Variants in UBA2 observed in about 807,000 individuals in gnomAD.
UBA2 encodes the protein ubiquitin like modifier activating enzyme 2.
UBA2 carries 11 observed loss-of-function variants against 77.2 expected under a neutral mutation model. The ratio of observed to expected loss-of-function variants is 0.14; its 90% CI spans 0.09 to 0.24. The LOEUF (loss-of-function observed/expected upper bound fraction) is 0.24, where lower values mean the gene tolerates loss of function less well. Among genes scored for constraint, UBA2 ranks in the 10% least tolerant of loss-of-function variants. UBA2 has a pLI of 1.00. For synonymous variants in UBA2, 278 were observed against 276.7 expected (o/e 1.00, Z -0.05); for missense variants, 487 against 781.7 (o/e 0.62, Z 4.50).
At chr19:34,451,426 G>A (rs939157626) in intron 9 of UBA2, among the ~76,000 whole-genome samples, 1 of 151,486 alleles carries the variant, frequency 6.6e-6, no homozygotes, top group African/African-American at 2.4e-5. Context: ...CTCACTAGGT[G>A]CTGGGCCTAA....
At chr19:34,439,764 G>T (rs192456595) in intron 6 of UBA2, among the ~76,000 whole-genome samples, 388 of 152,202 alleles carry the variant, frequency 2.5e-3, no homozygotes, top group African/African-American at 8.9e-3. Context: ...AGGCTGCAGT[G>T]AACCGAGATA....
At chr19:34,438,051 C>G (rs968293225) in intron 5 of UBA2, among the ~76,000 whole-genome samples, 7 of 151,652 alleles carry the variant, frequency 4.6e-5, no homozygotes, top group Non-Finnish European at 8.8e-5. Context: ...ACTCCGTCTC[C>G]CCACCGCCAA....
chr19:34,441,044 G>C (rs902564370), intron 6 of UBA2, among the ~76,000 whole-genome samples: 2 of 151,994 alleles, frequency 1.3e-5, no homozygotes, highest in Admixed American at 6.6e-5. Context: ...ATCTGTAAAT[G>C]TCATTCACTC....
At chr19:34,458,969 T>C in intron 13 of UBA2, 45 bp downstream of exon 13, 1 of 1,549,130 alleles carries the variant, frequency 6.5e-7, no homozygotes, top group Non-Finnish European at 8.8e-7. Context: ...TTTTACAGTA[T>C]TACTGTGATG....
At chr19:34,442,081 A>G (rs2145512278) in intron 6 of UBA2, among the ~76,000 whole-genome samples, 1 of 152,168 alleles carries the variant, frequency 6.6e-6, no homozygotes, top group African/African-American at 2.4e-5. Flanking sequence ...CAAAAAATTT[A>G]AAAATTAGCA....
Position 34,450,453 on chromosome 19 carries a change from A to C in UBA2, c.871+89A>C, listed in dbSNP as rs533018208. 36 of 802,846 alleles carry C rather than the reference A, an allele frequency of 4.5e-5. No homozygotes were observed. In the African/African-American group the frequency reaches 5.7e-4, roughly 13 times the overall value. The allele number at this position is 802,846 out of a possible 1,614,324, so 49.7% of individuals were successfully genotyped here. The stretch of plus-strand genomic sequence containing the variant: ...ATAGCCCTGTTGTTGCTTGAAAATG[A>C]TATGTCTTCATATATTCAAACAGTG... On this transcript the variant is annotated intron_variant, in intron 9 of 16. Transcript: ENST00000246548.
intron 8 of UBA2, among the ~76,000 whole-genome samples, chr19:34,446,136 C>T (rs1295208156): frequency 6.6e-6 from 1 of 152,114 alleles, no homozygotes; most frequent in Admixed American, 6.6e-5. Context: ...GCCTCTGCCT[C>T]CCTAAGTGCT....
chr19:34,438,560 T>C (rs1003398465), intron 5 of UBA2, 85 bp from the exon 6 acceptor site: 4 of 1,500,256 alleles, frequency 2.7e-6, no homozygotes, highest in African/African-American at 1.4e-5. Flanking sequence ...AGTTGGAATA[T>C]AGATGAATGA....
Position 34,468,491 on chromosome 19 carries a change from C to T in UBA2, c.1742-549C>T, listed in dbSNP as rs147040828. On this transcript the variant is annotated intron_variant, in intron 16 of 16. Coordinates refer to ENST00000246548, the MANE Select transcript of UBA2 (RefSeq NM_005499.3). The stretch of plus-strand genomic sequence containing the variant: ...GTATTCTGCCTTTGATTTTGTTGGA[C>T]GAGGAGATAAAACCACCTTTAGTAT... Among the ~76,000 whole-genome samples the T allele has an allele frequency of 4.4e-4, 67 of 152,218 alleles. 1 individual carries two copies. In the Middle Eastern group the frequency reaches 0.01, roughly 23 times the overall value.
At position 34,469,291 on chromosome 19, in the gene UBA2, T is replaced by C; in HGVS notation, c.*70T>C. On this transcript the variant is annotated 3_prime_UTR_variant, in exon 17 of 17. Coordinates refer to ENST00000246548, the MANE Select transcript of UBA2 (RefSeq NM_005499.3). ...TGGGCAGAACCAGATTGTTATGTCC[T>C]TTGTTCCAAAGGGAAAAAATTGACA... 7.3e-7 allele frequency: 1 copy of C among 1,378,258 alleles called. No homozygotes were observed. Among genetic ancestry groups the C allele is most frequent in the East Asian group, 2.6e-5 (1 of 38,554 alleles). 85.4% of individuals were successfully genotyped at this position (1,378,258 alleles called of 1,614,324 possible).
chr19:34,459,988 A>G (rs1446318530), intron 13 of UBA2, among the ~76,000 whole-genome samples: 1 of 152,204 alleles, frequency 6.6e-6, no homozygotes, highest in Non-Finnish European at 1.5e-5. Flanking sequence ...AGACCTATAG[A>G]GAGTTCCTCC....
At chr19:34,467,526 A>G (rs1226483160) in intron 16 of UBA2, among the ~76,000 whole-genome samples, 1 of 151,928 alleles carries the variant, frequency 6.6e-6, no homozygotes, top group Non-Finnish European at 1.5e-5. Flanking sequence ...TGTAACCCCA[A>G]CGCTTTGGGA....
chr19:34,451,889 T>G (rs2075502885), intron 9 of UBA2, 92 bp from the exon 10 acceptor site: 2 of 658,136 alleles, frequency 3.0e-6, no homozygotes, highest in African/African-American at 3.8e-5. Context: ...ATTTGATTTC[T>G]TAATGGTCGG....
At chr19:34,441,856 G>A (rs919973669) in intron 6 of UBA2, among the ~76,000 whole-genome samples, 5 of 151,802 alleles carry the variant, frequency 3.3e-5, no homozygotes, top group Non-Finnish European at 7.4e-5. Flanking sequence ...GGGAGGCGGA[G>A]GTTGAAGTGA....
rs1454630932 is a variant in UBA2 at position 34,471,242 on chromosome 19, T to G, written c.*2021T>G. 3 of 152,340 alleles carry G rather than the reference T, an allele frequency of 2.0e-5. No homozygotes were observed. The East Asian group carries it at 5.8e-4, about 29-fold the overall frequency. The allele number at this position is 152,340 out of a possible 1,614,324, so 9.4% of individuals were successfully genotyped here. A position where few individuals can be genotyped will look rare whatever the true frequency, so the allele number is the denominator to read the frequency against. On this transcript the variant is annotated 3_prime_UTR_variant, in exon 17 of 17. Transcript: ENST00000246548. Reference sequence around the variant, plus strand: ...TTTATATTTCAACTAAATTTTAAATTTCTAATTCATGTATTGTTCCTTGTG... The same window carrying G: ...TTTATATTTCAACTAAATTTTAAATGTCTAATTCATGTATTGTTCCTTGTG...
intron 5 of UBA2, 151 bp downstream of exon 5, chr19:34,435,119 CA>C: frequency 1.7e-6 from 1 of 592,240 alleles, no homozygotes; most frequent in Non-Finnish European, 2.9e-6. Context: ...AATGCGGGGC[CA>C]GGTGCAGTGG....
Position 34,466,767 on chromosome 19 carries a change from T to A in UBA2, c.1605-111T>A, listed in dbSNP as rs896009892. On this transcript the variant is annotated intron_variant, in intron 15 of 16. Transcript: ENST00000246548. ...ATAAAAATTAAAAAAAAAATTAGAA[T>A]CCACATATTTGGTGTATACATAGTG... 12 of 750,896 alleles carry A rather than the reference T, an allele frequency of 1.6e-5. No individual in the cohort carries two copies. The African/African-American group carries it at 2.1e-4, about 13-fold the overall frequency. The allele number at this position is 750,896 out of a possible 1,614,324, so 46.5% of individuals were successfully genotyped here. A position where few individuals can be genotyped will look rare whatever the true frequency, so the allele number is the denominator to read the frequency against.
chr19:34,451,932 G>GAATGATGTTA, intron 9 of UBA2, 49 bp from the exon 10 acceptor site: 1 of 1,097,766 alleles, frequency 9.1e-7, no homozygotes, highest in Non-Finnish European at 1.3e-6. Context: ...CACAGTAGAG[G>GAATGATGTTA]AATGATGTTA....
chr19:34,455,014 A>C (rs1476320568), intron 12 of UBA2, among the ~76,000 whole-genome samples: 1 of 152,048 alleles, frequency 6.6e-6, no homozygotes, highest in African/African-American at 2.4e-5. Context: ...TATTTCTCGT[A>C]GTGATTTGCT....
Sources: gnomAD v4.1 joint callset for allele counts (sites outside exome capture counted in the v4.1 genomes callset) on GRCh38, gnomAD v4.1.1 for gene constraint, MANE v1.5 for transcripts, NCBI Gene and HGNC (gene_info 2026-07-23, HGNC 2026-07-21) for gene names.